MAP4: variants seen among roughly 807,000 people sequenced by gnomAD.
MAP4 encodes the protein microtubule-associated protein 4.
Under a neutral mutation model 170.2 loss-of-function variants are expected in MAP4, and 76 were observed. The ratio of observed to expected loss-of-function variants is 0.45; its 90% CI spans 0.37 to 0.54. The LOEUF (loss-of-function observed/expected upper bound fraction) is 0.54. Among genes scored for constraint, MAP4 ranks in the 20% least tolerant of loss-of-function variants. The pLI is 0.00. For synonymous variants in MAP4, 909 were observed against 994.5 expected (o/e 0.91, Z 1.62); for missense variants, 2,506 against 2,748.0 (o/e 0.91, Z 1.97).
Position 47,877,223 on chromosome 3 carries a change from C to G in MAP4, c.5541+194G>C, listed in dbSNP as rs1337718154. ...ATATATAAGATAATAGGGTCAAAGG[C>G]TGAGATTTTAAAGTTGGTTTAGGCC... On this transcript the variant is annotated intron_variant, in intron 11 of 20. Transcript: ENST00000683076. 16 of 529,544 alleles carry G rather than the reference C, an allele frequency of 3.0e-5. No individual in the cohort carries two copies. In the Admixed American group the frequency reaches 5.0e-4, roughly 17 times the overall value. The allele number at this position is 529,544 out of a possible 1,614,324, so 32.8% of individuals were successfully genotyped here.
intron 1 of MAP4, among the ~76,000 whole-genome samples, chr3:48,075,455 G>T (rs978348109): frequency 6.6e-6 from 1 of 151,930 alleles, no homozygotes; most frequent in Non-Finnish European, 1.5e-5. Flanking sequence ...AACCTGGAAG[G>T]CAGAGAGGTT....
At chr3:48,086,120 A>G (rs556946974) in intron 1 of MAP4, among the ~76,000 whole-genome samples, 5 of 139,670 alleles carry the variant, frequency 3.6e-5, no homozygotes, top group Admixed American at 3.4e-4. Flanking sequence ...GTGTATGTAT[A>G]TATGTATGTG....
intron 1 of MAP4, among the ~76,000 whole-genome samples, chr3:48,010,364 T>C (rs959178353): frequency 6.6e-6 from 1 of 152,256 alleles, no homozygotes; most frequent in Non-Finnish European, 1.5e-5. Flanking sequence ...TGTGTATGTA[T>C]ACACATGTAC....
intron 2 of MAP4, among the ~76,000 whole-genome samples, chr3:47,984,809 A>C (rs2154308139): frequency 6.6e-6 from 1 of 152,066 alleles, no homozygotes; most frequent in East Asian, 1.9e-4. Context: ...TCTCTAATAA[A>C]GATACAAAAA....
intron 3 of MAP4, among the ~76,000 whole-genome samples, chr3:47,942,038 A>T (rs2100056833): frequency 6.6e-6 from 1 of 152,136 alleles, no homozygotes; most frequent in Non-Finnish European, 1.5e-5. Context: ...GAAGTCTGTT[A>T]GTCCAAATCC....
At chr3:47,945,360 G>A (rs1014735779) in intron 3 of MAP4, among the ~76,000 whole-genome samples, 1 of 151,952 alleles carries the variant, frequency 6.6e-6, no homozygotes, top group Non-Finnish European at 1.5e-5. Flanking sequence ...TGTAGCATAG[G>A]TTCTCATAAT....
chr3:48,069,557 G>A (rs780271421), intron 1 of MAP4, among the ~76,000 whole-genome samples: 1 of 152,158 alleles, frequency 6.6e-6, no homozygotes, highest in Non-Finnish European at 1.5e-5. Context: ...ACACACTGTT[G>A]AAAGGCACCC....
intron 1 of MAP4, among the ~76,000 whole-genome samples, chr3:48,050,750 C>G (rs1246938515): frequency 6.6e-6 from 1 of 151,702 alleles, no homozygotes; most frequent in Non-Finnish European, 1.5e-5. Flanking sequence ...ACTGAAACTA[C>G]AAAACTTAGC....
At chr3:48,077,970 G>A (rs1362229123) in intron 1 of MAP4, among the ~76,000 whole-genome samples, 1 of 152,170 alleles carries the variant, frequency 6.6e-6, no homozygotes, top group Admixed American at 6.6e-5. Flanking sequence ...AATATGGAAT[G>A]TCCAGAACAG....
chr3:47,965,871 C>T (rs569000009), intron 3 of MAP4, among the ~76,000 whole-genome samples: 1 of 152,166 alleles, frequency 6.6e-6, no homozygotes, highest in Non-Finnish European at 1.5e-5. Context: ...CAAAAATTTT[C>T]AATTTTCATA....
intron 4 of MAP4, among the ~76,000 whole-genome samples, chr3:47,927,155 T>C (rs1417508727): frequency 5.0e-5 from 6 of 120,106 alleles, no homozygotes; most frequent in Non-Finnish European, 9.9e-5. Flanking sequence ...CAAGACTCTG[T>C]CTCAAAAAAA....
At chr3:47,987,486 A>T in intron 2 of MAP4, 1 of 1,229,662 alleles carries the variant, frequency 8.1e-7, no homozygotes, top group Middle Eastern at 1.9e-4. Flanking sequence ...GTTACATCTA[A>T]ATCCAATCTT....
intron 2 of MAP4, among the ~76,000 whole-genome samples, chr3:47,989,226 T>C (rs2100090728): frequency 6.6e-6 from 1 of 152,208 alleles, no homozygotes; most frequent in Non-Finnish European, 1.5e-5. Context: ...ACCTGGGCAA[T>C]ATAGCAAGAC....
At chr3:48,053,289 G>A (rs965862263) in intron 1 of MAP4, among the ~76,000 whole-genome samples, 2 of 152,122 alleles carry the variant, frequency 1.3e-5, no homozygotes, top group Non-Finnish European at 2.9e-5. Context: ...AGAAAAAACT[G>A]TACTATGGAA....
intron 3 of MAP4, among the ~76,000 whole-genome samples, chr3:47,963,528 A>G (rs916968028): frequency 6.6e-6 from 1 of 152,214 alleles, no homozygotes; most frequent in Non-Finnish European, 1.5e-5. Context: ...GACAGATAAC[A>G]TATTTCCAGA....
intron 2 of MAP4, among the ~76,000 whole-genome samples, chr3:47,995,700 C>T (rs1054449557): frequency 6.6e-5 from 10 of 152,054 alleles, no homozygotes; most frequent in Non-Finnish European, 1.2e-4. Context: ...CCAAAAGCAA[C>T]GTCACTCCCA....
At chr3:48,045,230 C>G (rs2100123828) in intron 1 of MAP4, among the ~76,000 whole-genome samples, 1 of 146,702 alleles carries the variant, frequency 6.8e-6, no homozygotes, top group Non-Finnish European at 1.5e-5. Flanking sequence ...TGTGTTCCAG[C>G]CTGGGTGACA....
intron 2 of MAP4, among the ~76,000 whole-genome samples, chr3:47,993,180 C>T (rs2100093417): frequency 6.6e-6 from 1 of 151,992 alleles, no homozygotes; most frequent in Non-Finnish European, 1.5e-5. Flanking sequence ...AGACATCAGC[C>T]AGATGCAGTG....
chr3:47,954,497 T>C (rs1276556028), intron 3 of MAP4, among the ~76,000 whole-genome samples: 1 of 152,178 alleles, frequency 6.6e-6, no homozygotes, highest in African/African-American at 2.4e-5. Context: ...AAAACCTGAC[T>C]AGAAAAGTTT....
Sources: gnomAD v4.1 joint callset for allele counts (sites outside exome capture counted in the v4.1 genomes callset) on GRCh38, gnomAD v4.1.1 for gene constraint, MANE v1.5 for transcripts, NCBI Gene and HGNC (gene_info 2026-07-23, HGNC 2026-07-21) for gene names.